PCDH9: variants seen among roughly 807,000 people sequenced by gnomAD.
The protein encoded by PCDH9 is protocadherin 9, also known as protocadherin-9.
Under a neutral mutation model 70.6 loss-of-function variants are expected in PCDH9, and 24 were observed. The observed-to-expected ratio is 0.34, with a 90% confidence interval of 0.25 to 0.48. The LOEUF (loss-of-function observed/expected upper bound fraction) is 0.48. PCDH9 is among the 20% of genes least tolerant of loss of function. The probability of loss-of-function intolerance (pLI) is 0.99; values close to 1 mark genes in which losing one functional copy is unlikely to be tolerated. For synonymous variants in PCDH9, 562 were observed against 558.5 expected (o/e 1.01, Z -0.09); for missense variants, 1,281 against 1,503.6 (o/e 0.85, Z 2.45).
intron 4 of PCDH9, among the ~76,000 whole-genome samples, chr13:66,313,882 A>AGT (rs1955606054): frequency 6.6e-6 from 1 of 152,208 alleles, no homozygotes; most frequent in African/African-American, 2.4e-5. Flanking sequence ...TAAGGATTTA[A>AGT]AGACATAATA....
chr13:66,541,393 A>T (rs1960946298), intron 4 of PCDH9, among the ~76,000 whole-genome samples: 1 of 152,204 alleles, frequency 6.6e-6, no homozygotes, highest in African/African-American at 2.4e-5. Context: ...TTAAAACAAC[A>T]TAAATTTATT....
chr13:66,368,521 ATAT>A (rs1207930676), intron 4 of PCDH9, among the ~76,000 whole-genome samples: 1 of 151,950 alleles, frequency 6.6e-6, no homozygotes, highest in African/African-American at 2.4e-5. Flanking sequence ...AAAAAATTAA[ATAT>A]TATGAATTTA....
At chr13:66,686,692 T>A (rs931363865) in intron 3 of PCDH9, among the ~76,000 whole-genome samples, 21 of 152,142 alleles carry the variant, frequency 1.4e-4, no homozygotes, top group Admixed American at 1.2e-3. Context: ...CTTTACCACA[T>A]TTGCTAATCA....
chr13:66,387,955 A>T (rs928082543), intron 4 of PCDH9, among the ~76,000 whole-genome samples: 9 of 152,124 alleles, frequency 5.9e-5, no homozygotes, highest in African/African-American at 2.2e-4. Context: ...ATTTAGATAG[A>T]TCTCTTTCTC....
chr13:67,059,370 G>GTA (rs71110625), intron 2 of PCDH9, among the ~76,000 whole-genome samples: 50,339 of 140,668 alleles, frequency 0.36, 9,132 homozygotes, highest in East Asian at 0.51. Flanking sequence ...TATATAGTGT[G>GTA]TATATATATA....
At chr13:66,541,254 G>C (rs190032498) in intron 4 of PCDH9, among the ~76,000 whole-genome samples, 30 of 152,092 alleles carry the variant, frequency 2.0e-4, no homozygotes, top group Non-Finnish European at 2.8e-4. Flanking sequence ...GTCATTTAAG[G>C]TTTCTCTGTG....
rs67333897 is a variant in PCDH9, at chr13:66,698,895, CTTTTT to C, written c.3139-67489_3139-67485del. Among the ~76,000 whole-genome samples the C allele has an allele frequency of 4.8e-3, 291 of 61,162 alleles. 1 individual carries two copies. Among genetic ancestry groups the C allele is most frequent in the African/African-American group, 0.015 (278 of 18,282 alleles). 40.1% of individuals were successfully genotyped at this position (61,162 alleles called of 152,430 possible). A position where few individuals can be genotyped will look rare whatever the true frequency, so the allele number is the denominator to read the frequency against. On this transcript the variant is annotated intron_variant, in intron 3 of 4. Coordinates refer to ENST00000377865, the MANE Select transcript of PCDH9 (RefSeq NM_203487.3). ...AGACACTTCGCCCGGCTCAATTCCT[CTTTTT>C]TTTTTTTTTTTTTTTTTGTTGTTGT...
intron 4 of PCDH9, among the ~76,000 whole-genome samples, chr13:66,339,032 T>C (rs766424553): frequency 2.0e-5 from 3 of 152,030 alleles, no homozygotes; most frequent in Non-Finnish European, 4.4e-5. Context: ...ATGAAAACCT[T>C]TACCAAAAAC....
chr13:66,851,389 CA>C (rs950364537), intron 3 of PCDH9, among the ~76,000 whole-genome samples: 345 of 149,466 alleles, frequency 2.3e-3, no homozygotes, highest in African/African-American at 6.3e-3. Context: ...CAAAACTTCT[CA>C]AAAAAAAATA....
chr13:66,543,464 G>C (rs570352228), intron 4 of PCDH9, among the ~76,000 whole-genome samples: 63 of 152,156 alleles, frequency 4.1e-4, no homozygotes, highest in African/African-American at 1.5e-3. Flanking sequence ...CTACTTGGGA[G>C]GCTGAGACAG....
At chr13:66,653,589 T>C (rs369829991) in intron 3 of PCDH9, among the ~76,000 whole-genome samples, 1 of 152,088 alleles carries the variant, frequency 6.6e-6, no homozygotes, top group Admixed American at 6.6e-5. Context: ...ACAATCACTA[T>C]GGAGAACAGT....
At chr13:66,952,513 C>G (rs766174283) in intron 2 of PCDH9, among the ~76,000 whole-genome samples, 6 of 152,088 alleles carry the variant, frequency 3.9e-5, no homozygotes, top group Non-Finnish European at 5.9e-5. Context: ...CTCATCAAAA[C>G]AGTGGAATAG....
At chr13:66,447,970 T>C (rs1566333201) in intron 4 of PCDH9, among the ~76,000 whole-genome samples, 2 of 152,184 alleles carry the variant, frequency 1.3e-5, no homozygotes, top group African/African-American at 2.4e-5. Flanking sequence ...CTCTTTCTCA[T>C]TGTGTGAACC....
chr13:66,491,215 A>C (rs1479537649), intron 4 of PCDH9, among the ~76,000 whole-genome samples: 6 of 152,174 alleles, frequency 3.9e-5, no homozygotes, highest in Non-Finnish European at 8.8e-5. Context: ...TGATAAGTCC[A>C]TAGTTGTTCT....
chr13:66,367,191 C>T (rs979801464), intron 4 of PCDH9, among the ~76,000 whole-genome samples: 1 of 152,018 alleles, frequency 6.6e-6, no homozygotes, highest in Non-Finnish European at 1.5e-5. Flanking sequence ...CATTTTATTT[C>T]TCCTTCACCT....
chr13:66,917,652 C>T lies in PCDH9; in HGVS notation c.3037-14047G>A, dbSNP rs139802677. On this transcript the variant is annotated intron_variant, in intron 2 of 4. Transcript: ENST00000377865. ...GAGAATCAGATACAAATAGAACATA[C>T]GCAAGACAGAATCTGCCATAAGTTT... 3.6e-4 allele frequency among the ~76,000 whole-genome samples: 54 copies of T among 151,350 alleles called. No individual in the cohort carries two copies. The East Asian group carries it at 7.0e-3, about 20-fold the overall frequency.
At chr13:66,357,015 GA>G (rs1956395299) in intron 4 of PCDH9, among the ~76,000 whole-genome samples, 2 of 151,660 alleles carry the variant, frequency 1.3e-5, no homozygotes, top group African/African-American at 4.8e-5. Flanking sequence ...GTGTGTGGGG[GA>G]AAAAATATTA....
chr13:66,678,603 T>C (rs2078275757), intron 3 of PCDH9, among the ~76,000 whole-genome samples: 1 of 152,040 alleles, frequency 6.6e-6, no homozygotes, highest in African/African-American at 2.4e-5. Flanking sequence ...TGTAATAATT[T>C]TGGGGGACCA....
rs1401031210 is a variant in PCDH9 at position 67,226,089 on chromosome 13, G to A, written c.2352C>T (p.Ile784=). The change falls in exon 2 of 5, where the codon ATC becomes ATT. Residue 784 remains isoleucine (I), a synonymous_variant. Transcript: ENST00000377865. The surrounding 1 kb of genome is among the most constrained non-coding windows in gnomAD (Gnocchi z 5.0). Reference sequence around the variant, plus strand: ...CCATAGTCCTGCGGATCAAGTCATAGATATAGGAGGCATTTCCAGCAGTGT... The same window carrying A: ...CCATAGTCCTGCGGATCAAGTCATAAATATAGGAGGCATTTCCAGCAGTGT... The part of the protein sequence containing the change: ...VNDTAGNASY[I]YDLIRRTMET... The A allele has an allele frequency of 6.2e-6, 10 of 1,613,986 alleles. No homozygotes were observed. The highest frequency in any genetic ancestry group is 5.3e-5 in the African/African-American group (4 of 74,906).
Sources: allele counts gnomAD v4.1 joint callset (sites outside exome capture counted in the v4.1 genomes callset), GRCh38; gene constraint gnomAD v4.1.1; non-coding constraint Gnocchi (gnomAD v3.1); transcripts MANE v1.5; gene names NCBI Gene and HGNC (gene_info 2026-07-23, HGNC 2026-07-21).